ARPP21: variants seen among roughly 807,000 people sequenced by gnomAD.
ARPP21 encodes the protein cAMP regulated phosphoprotein 21, also known as cAMP-regulated phosphoprotein 21.
Under a neutral mutation model 113.2 loss-of-function variants are expected in ARPP21, and 69 were observed. That is an observed-to-expected ratio of 0.61 (90% CI 0.50 to 0.74). ARPP21 has a LOEUF of 0.74. Among genes scored for constraint, ARPP21 ranks in the 30% least tolerant of loss-of-function variants. The probability of loss-of-function intolerance (pLI) is 0.00; values close to 1 mark genes in which losing one functional copy is unlikely to be tolerated. For missense variants in ARPP21, 1,070 were observed against 1,037.4 expected (o/e 1.03, Z -0.43); for synonymous variants, 368 against 375.5 (o/e 0.98, Z 0.23).
chr3:35,639,307 C>T (rs1042248430), upstream of ARPP21, among the ~76,000 whole-genome samples: 1 of 151,854 alleles, frequency 6.6e-6, no homozygotes, highest in Non-Finnish European at 1.5e-5. The surrounding 1 kb of genome is among the most constrained non-coding windows in gnomAD (Gnocchi z 5.0). Flanking sequence ...GGCGCAGAGG[C>T]GGCGACACTG....
In ARPP21 at chr3:35,708,986, A is replaced by G. The variant is rs1331389653; in HGVS notation, c.813A>G (p.Pro271=). 1 of 1,613,598 alleles carries G rather than the reference A, an allele frequency of 6.2e-7. No homozygotes were observed. The highest frequency in any genetic ancestry group is 8.5e-7 in the Non-Finnish European group (1 of 1,179,632). ...KEDNQQNRMH[P]FRDDRRSKSI... ...CTGTTCAGCAAAACAGAATGCATCCATTTAGAGATGACAGACGAAGTAAAT... is the reference window on the plus strand; with the variant it reads ...CTGTTCAGCAAAACAGAATGCATCCGTTTAGAGATGACAGACGAAGTAAAT... The change falls in exon 11 of 21, where the codon CCA becomes CCG. Residue 271 remains proline (P), a synonymous_variant. Coordinates refer to ENST00000684406, the MANE Select transcript of ARPP21 (RefSeq NM_001385562.1).
chr3:35,751,057 A>G (rs530944745), intron 19 of ARPP21, among the ~76,000 whole-genome samples: 12 of 152,312 alleles, frequency 7.9e-5, no homozygotes, highest in African/African-American at 1.4e-4. Context: ...ATAGACCAGG[A>G]GGGTCTATAT....
At chr3:35,773,975 G>A (rs1026857407) in intron 19 of ARPP21, among the ~76,000 whole-genome samples, 3 of 152,074 alleles carry the variant, frequency 2.0e-5, no homozygotes, top group African/African-American at 7.2e-5. Context: ...CATTTGTAAG[G>A]CAGTGACTGT....
chr3:35,764,164 A>G (rs1454301625), intron 19 of ARPP21, among the ~76,000 whole-genome samples: 1 of 152,186 alleles, frequency 6.6e-6, no homozygotes, highest in African/African-American at 2.4e-5. Context: ...GATTATGGCA[A>G]AAGTTTTCAC....
chr3:35,703,340 G>T lies in ARPP21; in HGVS notation c.687-3634G>T, dbSNP rs115454647. Among the ~76,000 whole-genome samples, 841 of 151,936 alleles carry T rather than the reference G, an allele frequency of 5.5e-3. 8 individuals carry two copies. Among genetic ancestry groups the T allele is most frequent in the African/African-American group, 0.019 (798 of 41,508 alleles). On this transcript the variant is annotated intron_variant, in intron 9 of 20. Transcript: ENST00000684406. ...ACAAGAGTTTGATTATCTTCACTCA[G>T]CCACACTGTTTGTCAATTCATGAGC... is the stretch of plus-strand genomic sequence containing the variant.
At chr3:35,724,860 G>C (rs752279664) in intron 14 of ARPP21, among the ~76,000 whole-genome samples, 3 of 151,782 alleles carry the variant, frequency 2.0e-5, no homozygotes, top group African/African-American at 4.8e-5. Flanking sequence ...GAAGCTTTAG[G>C]TTATTCTACT....
At chr3:35,709,145 CGAGG>C in intron 11 of ARPP21, 75 bp downstream of exon 11, 1 of 1,001,882 alleles carries the variant, frequency 1.0e-6, no homozygotes, top group Non-Finnish European at 1.5e-6. Flanking sequence ...CCCCAGACAG[CGAGG>C]TGGCAGGGAA....
At position 35,720,658 on chromosome 3, in the gene ARPP21, A is replaced by T. The variant is rs141400755; in HGVS notation, c.996-947A>T. On this transcript the variant is annotated intron_variant, in intron 13 of 20. Transcript: ENST00000684406. ...ATTTTTATCTTCAGAAAAAGCTTTG[A>T]ATTTATTAACAAAGTTATGCTTTAG... is the stretch of plus-strand genomic sequence containing the variant. Among the ~76,000 whole-genome samples, 1,442 of 152,286 alleles carry T rather than the reference A, an allele frequency of 9.5e-3. 48 individuals are homozygous for T. The highest frequency in any genetic ancestry group is 0.062 in the Admixed American group (950 of 15,282).
At chr3:35,773,113 A>G (rs1049066363) in intron 19 of ARPP21, among the ~76,000 whole-genome samples, 7 of 152,168 alleles carry the variant, frequency 4.6e-5, no homozygotes, top group African/African-American at 1.7e-4. Flanking sequence ...ATATCATCTT[A>G]AGGATAAAAC....
intron 15 of ARPP21, among the ~76,000 whole-genome samples, chr3:35,735,659 AC>A (rs1313529206): frequency 6.6e-6 from 1 of 152,188 alleles, no homozygotes; most frequent in African/African-American, 2.4e-5. Flanking sequence ...GATAAGGAGG[AC>A]TTTCCACTGA....
chr3:35,784,090 T>G (rs1166435488), intron 19 of ARPP21, among the ~76,000 whole-genome samples: 7 of 152,230 alleles, frequency 4.6e-5, no homozygotes, highest in Non-Finnish European at 1.0e-4. Context: ...TACTGCAAGA[T>G]TCTGTTTATG....
At chr3:35,771,459 G>A (rs1233044951) in intron 19 of ARPP21, among the ~76,000 whole-genome samples, 1 of 151,990 alleles carries the variant, frequency 6.6e-6, no homozygotes, top group African/African-American at 2.4e-5. Context: ...CTCCTGAGTA[G>A]CTGGGACTAC....
At chr3:35,697,290 G>C (rs771444810) in intron 9 of ARPP21, among the ~76,000 whole-genome samples, 4 of 151,656 alleles carry the variant, frequency 2.6e-5, no homozygotes, top group Admixed American at 6.6e-5. Flanking sequence ...ACAGGCCCTA[G>C]AAACTGTGAA....
chr3:35,652,182 T>C (rs1702664636), intron 1 of ARPP21, among the ~76,000 whole-genome samples: 1 of 152,092 alleles, frequency 6.6e-6, no homozygotes, highest in Non-Finnish European at 1.5e-5. Flanking sequence ...GTAGTTCTGG[T>C]GGTGATTCAC....
intron 1 of ARPP21, among the ~76,000 whole-genome samples, chr3:35,672,102 G>T (rs899438345): frequency 2.6e-5 from 4 of 152,072 alleles, no homozygotes; most frequent in African/African-American, 9.7e-5. Context: ...TTTAATGTTA[G>T]TAGTGTCATA....
intron 19 of ARPP21, among the ~76,000 whole-genome samples, chr3:35,760,479 G>A (rs1240520379): frequency 6.6e-6 from 1 of 151,854 alleles, no homozygotes; most frequent in Non-Finnish European, 1.5e-5. Context: ...GAACCTCTTT[G>A]AAATCACCAC....
At position 35,721,610 on chromosome 3, in the gene ARPP21, A is replaced by G. The variant is rs947450829; in HGVS notation, c.1001A>G (p.Asn334Ser). The change falls in exon 14 of 21, where the codon AAC (asparagine) becomes AGC (serine). Residue 334 changes from asparagine (N) to serine (S), a missense_variant. Transcript: ENST00000684406. ...TTCTGGTGGTCGTACTCCAGGGGCA[A>G]CAGAGATGGCTCAGGGAGAACATCT... ...TYKKRQLFRG[N>S]RDGSGRTSGS... is the part of the protein sequence containing the mutation. The G allele has an allele frequency of 2.5e-6, 4 of 1,602,458 alleles. No homozygotes were observed. In the African/African-American group the frequency reaches 4.0e-5, roughly 16 times the overall value.
chr3:35,759,398 G>A (rs574350985), intron 19 of ARPP21, among the ~76,000 whole-genome samples: 9 of 152,110 alleles, frequency 5.9e-5, no homozygotes, highest in East Asian at 1.9e-4. Context: ...TGCATATACC[G>A]TTGTTGTTCA....
chr3:35,736,895 T>C (rs1420286162), intron 15 of ARPP21, among the ~76,000 whole-genome samples: 1 of 152,196 alleles, frequency 6.6e-6, no homozygotes, highest in African/African-American at 2.4e-5. Flanking sequence ...GTCTCTCTAC[T>C]GGGTACCTCC....
Sources: gnomAD v4.1 joint callset for allele counts (sites outside exome capture counted in the v4.1 genomes callset) on GRCh38, gnomAD v4.1.1 for gene constraint, Gnocchi (gnomAD v3.1) non-coding constraint, MANE v1.5 for transcripts, NCBI Gene and HGNC (gene_info 2026-07-23, HGNC 2026-07-21) for gene names.